CD44: variants seen among roughly 807,000 people sequenced by gnomAD.
CD44 encodes CD44 molecule (IN blood group), also known as CD44 antigen.
CD44 carries 49 observed loss-of-function variants against 88.8 expected under a neutral mutation model. The ratio of observed to expected loss-of-function variants is 0.55; its 90% CI spans 0.44 to 0.70. The LOEUF is 0.70. Among genes scored for constraint, CD44 ranks in the 30% least tolerant of loss-of-function variants. The pLI is 0.00. For synonymous variants in CD44, 325 were observed against 312.3 expected, an observed-to-expected ratio of 1.04 and a Z score of -0.43; for missense variants, 883 against 913.8, an observed-to-expected ratio of 0.97 and a Z score of 0.43.
At chr11:35,176,427 C>T (rs1944475838) in intron 1 of CD44, 148 bp from the exon 2 acceptor site, 6 of 591,352 alleles carry the variant, frequency 1.0e-5, no homozygotes, top group Admixed American at 1.0e-4. Context: ...ATCCACCCAC[C>T]TCGGCCTCCC....
chr11:35,169,348 A>G (rs185249310), intron 1 of CD44, among the ~76,000 whole-genome samples: 501 of 152,082 alleles, frequency 3.3e-3, no homozygotes, highest in Non-Finnish European at 4.9e-3. Context: ...ATTTCTTGTA[A>G]TTCTTTACCT....
At chr11:35,179,124 C>T (rs1022590663) in intron 2 of CD44, among the ~76,000 whole-genome samples, 1 of 152,228 alleles carries the variant, frequency 6.6e-6, no homozygotes, top group African/African-American at 2.4e-5. Flanking sequence ...GCTACAATTG[C>T]CACATAGGTA....
In CD44 at chr11:35,217,657, T is replaced by C. The variant is rs141314863; in HGVS notation, c.1874-1659T>C. On this transcript the variant is annotated intron_variant, in intron 15 of 17. Coordinates refer to ENST00000428726, the MANE Select transcript of CD44 (RefSeq NM_000610.4). ...CAAATTGCATAAACAAGAGCCATCC[T>C]GTCCCCATATAACCATTGTAATCAA... 1.5e-3 allele frequency among the ~76,000 whole-genome samples: 229 copies of C among 152,360 alleles called. 4 individuals carry two copies. In the East Asian group the frequency reaches 0.041, roughly 27 times the overall value.
At position 35,206,676 on chromosome 11, in the gene CD44, G is replaced by GGGA. The variant is rs545657362; in HGVS notation, c.1414+434_1414+435insGAG. Among the ~76,000 whole-genome samples the GGGA allele has an allele frequency of 7.4e-4, 113 of 151,776 alleles. 1 individual carries two copies. The South Asian group carries it at 0.019, about 25-fold the overall frequency. ...GTGGGTGGTGGGGGTTGGTGGGGGG[G>GGGA]GCAGTTTTCCTAAGAAGGAGACTCC... On this transcript the variant is annotated intron_variant, in intron 11 of 17. Transcript: ENST00000428726.
intron 3 of CD44, among the ~76,000 whole-genome samples, chr11:35,182,192 T>C (rs566956104): frequency 6.6e-6 from 1 of 150,998 alleles, no homozygotes; most frequent in African/African-American, 2.4e-5. Context: ...ATCTTTCTTC[T>C]ACTCACTACT....
Position 35,139,273 on chromosome 11 carries a change from T to C in CD44, c.-31T>C. On this transcript the variant is annotated 5_prime_UTR_variant, in exon 1 of 18. Transcript: ENST00000428726. ...GCGCCCAGGGATCCTCCAGCTCCTT[T>C]CGCCCGCGCCCTCCGTTCGCTCCGG... 1 of 1,547,434 alleles carries C rather than the reference T, an allele frequency of 6.5e-7. No individual in the cohort carries two copies. Among genetic ancestry groups the C allele is most frequent in the Non-Finnish European group, 8.8e-7 (1 of 1,142,552 alleles).
chr11:35,201,894 C>A (rs930586351), intron 9 of CD44, 107 bp downstream of exon 9: 51 of 1,152,830 alleles, frequency 4.4e-5, no homozygotes, highest in Non-Finnish European at 5.7e-5. Flanking sequence ...TATTTCCACT[C>A]GGTAATTTCT....
rs749270293 is a variant in CD44, at chr11:35,206,216, C to A, written c.1387C>A (p.Arg463=). 3.1e-6 allele frequency: 5 copies of A among 1,610,138 alleles called. No individual in the cohort carries two copies. The highest frequency in any genetic ancestry group is 4.2e-6 in the Non-Finnish European group (5 of 1,178,226). ...CAACCCAATCTCACACCCCATGGGA[C>A]GAGGTCATCAAGCAGGAAGAAGGAT... ...FFNPISHPMG[R]GHQAGRRMDM... Residue 463 remains arginine (R), a synonymous_variant, in exon 11 of 18, where the codon CGA becomes AGA. Coordinates refer to ENST00000428726, the MANE Select transcript of CD44 (RefSeq NM_000610.4).
rs777996296 is a variant in CD44, at chr11:35,208,211, G to A, written c.1516+5G>A. On this transcript the variant is annotated splice_donor_5th_base_variant and intron_variant, in intron 12 of 17. Coordinates refer to ENST00000428726, the MANE Select transcript of CD44 (RefSeq NM_000610.4). ...GACCTCTTTCAATGACAACGCGTAA[G>A]AATAACGATGCTCAGCCACTTTATT... 8.9e-6 allele frequency: 14 copies of A among 1,576,460 alleles called. No individual in the cohort carries two copies. The highest frequency in any genetic ancestry group is 1.1e-5 in the Non-Finnish European group (13 of 1,145,972).
At chr11:35,160,398 G>A (rs1417627767) in intron 1 of CD44, among the ~76,000 whole-genome samples, 1 of 152,184 alleles carries the variant, frequency 6.6e-6, no homozygotes, top group East Asian at 1.9e-4. Flanking sequence ...ACTTTCTTTT[G>A]TGTTTTGCCA....
At chr11:35,176,938 A>G in intron 2 of CD44, 198 bp downstream of exon 2, 1 of 551,080 alleles carries the variant, frequency 1.8e-6, no homozygotes, top group South Asian at 2.4e-5. Context: ...ACCTTTGTGA[A>G]TCATAGAGCG....
At chr11:35,168,147 T>A (rs1943509482) in intron 1 of CD44, among the ~76,000 whole-genome samples, 1 of 152,210 alleles carries the variant, frequency 6.6e-6, no homozygotes, top group African/African-American at 2.4e-5. Flanking sequence ...GATCTTAAAA[T>A]AATATTCAAT....
At chr11:35,207,105 A>AT (rs1279389743) in intron 11 of CD44, among the ~76,000 whole-genome samples, 3 of 152,168 alleles carry the variant, frequency 2.0e-5, no homozygotes, top group African/African-American at 7.2e-5. Context: ...TTTCTGGGAG[A>AT]ATGTCCATTT....
At chr11:35,183,351 A>T (rs1411072303) in intron 3 of CD44, among the ~76,000 whole-genome samples, 4 of 151,372 alleles carry the variant, frequency 2.6e-5, no homozygotes, top group Non-Finnish European at 5.9e-5. Context: ...AAAAAAAAAA[A>T]GAAAGAAACT....
At chr11:35,167,747 T>C (rs1428349741) in intron 1 of CD44, among the ~76,000 whole-genome samples, 1 of 152,200 alleles carries the variant, frequency 6.6e-6, no homozygotes, top group African/African-American at 2.4e-5. Flanking sequence ...AGTCTAGATT[T>C]TTGGGTTTGG....
chr11:35,150,653 C>A (rs886600009), intron 1 of CD44, among the ~76,000 whole-genome samples: 1 of 152,168 alleles, frequency 6.6e-6, no homozygotes, highest in African/African-American at 2.4e-5. Flanking sequence ...AATAAAATCC[C>A]AGATGTGCTC....
intron 1 of CD44, among the ~76,000 whole-genome samples, chr11:35,172,779 C>T (rs1382173829): frequency 1.3e-5 from 2 of 151,992 alleles, no homozygotes; most frequent in Non-Finnish European, 2.9e-5. Flanking sequence ...TCAAACATGT[C>T]TTATCCTTGT....
intron 1 of CD44, among the ~76,000 whole-genome samples, chr11:35,140,842 G>A (rs774508835): frequency 6.6e-6 from 1 of 152,118 alleles, no homozygotes; most frequent in Admixed American, 6.5e-5. Flanking sequence ...CCAACATGGT[G>A]AAACCCCATC....
At chr11:35,190,230 C>A in intron 5 of CD44, 165 bp downstream of exon 5, 1 of 630,430 alleles carries the variant, frequency 1.6e-6, no homozygotes, top group Non-Finnish European at 2.8e-6. Context: ...CAGTAAACTG[C>A]CTGCATTGAC....
Sources: allele counts gnomAD v4.1 joint callset (sites outside exome capture counted in the v4.1 genomes callset), GRCh38; gene constraint gnomAD v4.1.1; transcripts MANE v1.5; gene names NCBI Gene and HGNC (gene_info 2026-07-23, HGNC 2026-07-21).